The following NT5DC1 variants were observed in gnomAD, a reference collection of about 807,000 sequenced individuals.
NT5DC1 encodes 5'-nucleotidase domain-containing protein 1.
In NT5DC1, 42 loss-of-function variants were observed where a neutral mutation model predicts 59.4. The observed-to-expected ratio is 0.71, with a 90% CI of 0.55 to 0.92. NT5DC1 has a LOEUF of 0.92. NT5DC1 is among the 40% of genes least tolerant of loss of function. The pLI, the probability that NT5DC1 is intolerant of heterozygous loss-of-function variation, is 0.00. For missense variants in NT5DC1, 501 were observed against 537.1 expected (o/e 0.93, Z 0.66); for synonymous variants, 172 against 188.1 (o/e 0.91, Z 0.70).
intron 6 of NT5DC1, among the ~76,000 whole-genome samples, chr6:116,201,859 T>C (rs1781354793): frequency 6.6e-6 from 1 of 152,046 alleles, no homozygotes; most frequent in African/African-American, 2.4e-5. Flanking sequence ...AAATGCTCTA[T>C]TTCTGGACCA....
chr6:116,101,090 C>G (rs1196247101), intron 1 of NT5DC1, 67 bp downstream of exon 1: 4 of 1,244,616 alleles, frequency 3.2e-6, no homozygotes, highest in Non-Finnish European at 4.5e-6. Context: ...TGAGTTTCCT[C>G]CAGGTTTGGG....
rs1582891444 is a variant in NT5DC1, at chr6:116,247,212, A to G, written c.*3188A>G. ...TTTAGCAATAATGTCGTGCTAGGAC[A>G]TGAGAGGGATTAACATTGAAGACAC... is the stretch of plus-strand genomic sequence containing the variant. On this transcript the variant is annotated 3_prime_UTR_variant, in exon 12 of 12. Transcript: ENST00000319550. 6.6e-6 allele frequency: 1 copy of G among 152,188 alleles called. No individual in the cohort carries two copies. The highest frequency in any genetic ancestry group is 1.5e-5 in the Non-Finnish European group (1 of 68,008). The allele number at this position is 152,188 out of a possible 1,614,324, so 9.4% of individuals were successfully genotyped here.
chr6:116,119,873 T>C (rs1779055437), intron 6 of NT5DC1: 1 of 586,734 alleles, frequency 1.7e-6, no homozygotes, highest in Admixed American at 3.0e-5. Flanking sequence ...TAACTAGAAA[T>C]TCAAGAGAGG....
intron 6 of NT5DC1, among the ~76,000 whole-genome samples, chr6:116,160,576 A>G (rs193299412): frequency 4.8e-4 from 73 of 151,694 alleles, no homozygotes; most frequent in African/African-American, 1.5e-3. Flanking sequence ...TATATTGTCT[A>G]TTTGCTGTGT....
chr6:116,242,762 G>T (rs1204825), intron 11 of NT5DC1, among the ~76,000 whole-genome samples: 1 of 152,030 alleles, frequency 6.6e-6, no homozygotes, highest in Non-Finnish European at 1.5e-5. Context: ...TTCTTAGTTT[G>T]CAAATTTCCT....
chr6:116,116,199 T>C (rs1771248094), intron 5 of NT5DC1, among the ~76,000 whole-genome samples: 2 of 152,210 alleles, frequency 1.3e-5, no homozygotes, highest in Non-Finnish European at 2.9e-5. Context: ...TTGAACATCA[T>C]TTAATGAATA....
chr6:116,185,082 A>T (rs115129425), intron 6 of NT5DC1, among the ~76,000 whole-genome samples: 5,962 of 152,122 alleles, frequency 0.039, 266 homozygotes, highest in East Asian at 0.2. Context: ...ATTAAGTTTA[A>T]AGAATTTTTA....
At chr6:116,160,694 T>C (rs1780305793) in intron 6 of NT5DC1, among the ~76,000 whole-genome samples, 1 of 152,232 alleles carries the variant, frequency 6.6e-6, no homozygotes, top group Admixed American at 6.5e-5. Flanking sequence ...ATTCTTTGCC[T>C]AGGCCAGTGT....
intron 6 of NT5DC1, among the ~76,000 whole-genome samples, chr6:116,139,001 A>G (rs1242414144): frequency 6.6e-6 from 1 of 152,174 alleles, no homozygotes; most frequent in Non-Finnish European, 1.5e-5. Flanking sequence ...ACTTTTTCAG[A>G]TTAATTTAGT....
At chr6:116,119,962 G>A in intron 6 of NT5DC1, 1 of 1,048,700 alleles carries the variant, frequency 9.5e-7, no homozygotes, top group South Asian at 1.3e-5. Context: ...CTGTATTTCA[G>A]AAAATAAAAA....
At position 116,102,609 on chromosome 6, in the gene NT5DC1, A is replaced by C. The variant is rs144238342; in HGVS notation, c.93+1586A>C. Among the ~76,000 whole-genome samples the C allele has an allele frequency of 2.9e-3, 436 of 152,342 alleles. 1 individual carries two copies. The highest frequency in any genetic ancestry group is 9.6e-3 in the African/African-American group (401 of 41,572). On this transcript the variant is annotated intron_variant, in intron 1 of 11. Transcript: ENST00000319550. ...TCCATAGGTGATCATAAAATTTCAG[A>C]ATATAAGATTCTCAAAGACAAGAGG... is the stretch of plus-strand genomic sequence containing the variant.
intron 6 of NT5DC1, among the ~76,000 whole-genome samples, chr6:116,124,106 T>G (rs914169406): frequency 6.6e-6 from 1 of 152,142 alleles, no homozygotes; most frequent in Non-Finnish European, 1.5e-5. Context: ...AAGTATCTGT[T>G]GTATACCTGT....
Position 116,239,079 on chromosome 6 carries a change from G to A in NT5DC1, c.1208G>A (p.Ser403Asn). The A allele has an allele frequency of 1.2e-6, 2 of 1,612,208 alleles. No homozygotes were observed. The highest frequency in any genetic ancestry group is 1.7e-6 in the Non-Finnish European group (2 of 1,178,590). Residue 403 changes from serine (S) to asparagine (N), a missense_variant, in exon 11 of 12, where the codon AGT (serine) becomes AAT (asparagine). Ser to Asn is a conservative substitution (Grantham distance 46). Coordinates refer to ENST00000319550, the MANE Select transcript of NT5DC1 (RefSeq NM_152729.3). ...TATACATGGTCTTGTAAGAGAATCA[G>A]TACTTACAGCACTATTGCAATTCCA... ...LVYTWSCKRISTYSTIAIPSI... is the reference protein window; with the variant it reads ...LVYTWSCKRINTYSTIAIPSI...
chr6:116,193,961 G>A (rs905476297), intron 6 of NT5DC1, among the ~76,000 whole-genome samples: 1 of 151,964 alleles, frequency 6.6e-6, no homozygotes, highest in Non-Finnish European at 1.5e-5. Context: ...CTACTAGGTT[G>A]GCTGAGGTGG....
chr6:116,218,775 A>G (rs1781736416), intron 6 of NT5DC1, among the ~76,000 whole-genome samples: 1 of 152,198 alleles, frequency 6.6e-6, no homozygotes, highest in African/African-American at 2.4e-5. Flanking sequence ...TCTTCTAAAT[A>G]TTATTCTCAT....
chr6:116,191,570 G>C (rs1270581772), intron 6 of NT5DC1, among the ~76,000 whole-genome samples: 1 of 151,924 alleles, frequency 6.6e-6, no homozygotes, highest in African/African-American at 2.4e-5. Flanking sequence ...CCTTAAAATA[G>C]CCACATCTTT....
chr6:116,230,589 A>C (rs1330429936), intron 8 of NT5DC1, among the ~76,000 whole-genome samples: 1 of 152,238 alleles, frequency 6.6e-6, no homozygotes, highest in Non-Finnish European at 1.5e-5. Context: ...AGCAGATGCT[A>C]CTGGTTGGAA....
intron 6 of NT5DC1, among the ~76,000 whole-genome samples, chr6:116,182,209 GTAT>G (rs1780894391): frequency 6.7e-6 from 1 of 149,902 alleles, no homozygotes; most frequent in Non-Finnish European, 1.5e-5. Flanking sequence ...TGGCTGAGTA[GTAT>G]TCCATGGAGA....
chr6:116,196,659 T>C (rs1342181437), intron 6 of NT5DC1, among the ~76,000 whole-genome samples: 1 of 152,042 alleles, frequency 6.6e-6, no homozygotes, highest in Non-Finnish European at 1.5e-5. Context: ...ATAGTGTTTC[T>C]TTGTGTCTGC....
Sources: gnomAD v4.1 joint callset for allele counts (sites outside exome capture counted in the v4.1 genomes callset) on GRCh38, gnomAD v4.1.1 for gene constraint, MANE v1.5 for transcripts, NCBI Gene and HGNC (gene_info 2026-07-23, HGNC 2026-07-21) for gene names.